PDE4B: variants seen among roughly 807,000 people sequenced by gnomAD.
The protein encoded by PDE4B is 3',5'-cyclic-AMP phosphodiesterase 4B.
PDE4B carries 20 observed loss-of-function variants against 82.2 expected under a neutral mutation model. That is an observed-to-expected ratio of 0.24 (90% confidence interval 0.17 to 0.35). PDE4B has a LOEUF of 0.35. Ranked by LOEUF, PDE4B falls within the 10% of genes least tolerant of loss-of-function variation. The pLI, the probability that PDE4B is intolerant of heterozygous loss-of-function variation, is 1.00. For missense variants in PDE4B, 655 were observed against 907.2 expected (o/e 0.72, Z 3.57); for synonymous variants, 320 against 318.9 (o/e 1.00, Z -0.04).
intron 1 of PDE4B, among the ~76,000 whole-genome samples, chr1:65,882,513 A>T (rs1044804839): frequency 6.6e-6 from 1 of 152,222 alleles, no homozygotes; most frequent in African/African-American, 2.4e-5. Flanking sequence ...TCAATGTCTA[A>T]TATGCAAATG....
At chr1:66,292,748 T>G (rs890864751) in intron 7 of PDE4B, among the ~76,000 whole-genome samples, 17 of 152,168 alleles carry the variant, frequency 1.1e-4, no homozygotes, top group African/African-American at 3.9e-4. Flanking sequence ...CCAAATTATT[T>G]ACATAATTAT....
At chr1:66,321,295 T>C (rs1181466743) in intron 7 of PDE4B, among the ~76,000 whole-genome samples, 1 of 152,214 alleles carries the variant, frequency 6.6e-6, no homozygotes, top group Admixed American at 6.5e-5. Context: ...TGAATTTTGG[T>C]CATCAACCAA....
chr1:66,078,182 A>G (rs1330311193), intron 3 of PDE4B, among the ~76,000 whole-genome samples: 1 of 151,256 alleles, frequency 6.6e-6, no homozygotes, highest in African/African-American at 2.4e-5. Flanking sequence ...TACCTTGCTT[A>G]AAGCCTCTTT....
At chr1:66,062,888 C>T (rs1463482125) in intron 3 of PDE4B, 1 of 152,046 alleles carries the variant, frequency 6.6e-6, no homozygotes, top group Admixed American at 6.6e-5. Context: ...TCACATCCTT[C>T]TTTAGTGCAG....
intron 3 of PDE4B, among the ~76,000 whole-genome samples, chr1:66,233,240 CTATT>C (rs1652130372): frequency 1.3e-5 from 2 of 152,102 alleles, no homozygotes; most frequent in Admixed American, 1.3e-4. Context: ...ATTATGTACT[CTATT>C]TATCAGACTT....
chr1:66,337,663 C>A (rs182503313), intron 8 of PDE4B, among the ~76,000 whole-genome samples: 4 of 152,306 alleles, frequency 2.6e-5, no homozygotes, highest in African/African-American at 9.6e-5. Context: ...GGAGGGATAT[C>A]TGTCAAGGTA....
chr1:65,991,269 C>T (rs979398264), intron 3 of PDE4B, among the ~76,000 whole-genome samples: 1 of 151,880 alleles, frequency 6.6e-6, no homozygotes, highest in East Asian at 1.9e-4. Context: ...TAAGGAGAGA[C>T]GAGGTTTCCC....
intron 1 of PDE4B, among the ~76,000 whole-genome samples, chr1:65,890,460 T>C (rs2100383206): frequency 6.6e-6 from 1 of 152,244 alleles, no homozygotes; most frequent in South Asian, 2.1e-4. Context: ...TGAGCTTTGC[T>C]TACTGTGGTA....
intron 3 of PDE4B, among the ~76,000 whole-genome samples, chr1:66,207,116 A>C (rs75404627): frequency 1.3e-5 from 2 of 152,208 alleles, no homozygotes; most frequent in Admixed American, 6.5e-5. Flanking sequence ...AATTTTTCAA[A>C]TTCTTGAATC....
chr1:65,874,638 G>A (rs972308291), intron 1 of PDE4B, among the ~76,000 whole-genome samples: 6 of 151,918 alleles, frequency 3.9e-5, no homozygotes, highest in Admixed American at 1.3e-4. Flanking sequence ...CAGAAATAAC[G>A]CCGCATACCT....
chr1:66,060,011 T>C (rs1270035808), intron 3 of PDE4B, among the ~76,000 whole-genome samples: 1 of 152,182 alleles, frequency 6.6e-6, no homozygotes, highest in Non-Finnish European at 1.5e-5. Flanking sequence ...AAAACAGTTT[T>C]TAAGTAAGTC....
intron 3 of PDE4B, among the ~76,000 whole-genome samples, chr1:66,214,817 G>C (rs1650325751): frequency 6.6e-6 from 1 of 152,008 alleles, no homozygotes; most frequent in South Asian, 2.1e-4. Context: ...GACAAATTCA[G>C]GATCCAAAAT....
At chr1:65,999,505 C>T (rs1410868311) in intron 3 of PDE4B, among the ~76,000 whole-genome samples, 2 of 152,162 alleles carry the variant, frequency 1.3e-5, no homozygotes, top group Non-Finnish European at 2.9e-5. Context: ...TGGATGTTAA[C>T]ACGGTTTCTC....
intron 16 of PDE4B, among the ~76,000 whole-genome samples, chr1:66,370,691 C>G (rs139780238): frequency 2.6e-5 from 4 of 152,250 alleles, no homozygotes; most frequent in Non-Finnish European, 2.9e-5. Flanking sequence ...TAGCAGCTAC[C>G]TTTCAAAAAC....
chr1:66,270,622 G>A (rs1210547071), intron 7 of PDE4B, among the ~76,000 whole-genome samples: 1 of 152,204 alleles, frequency 6.6e-6, no homozygotes, highest in East Asian at 1.9e-4. Context: ...GACTGGAAAT[G>A]AGGCCCAGCA....
chr1:66,367,626 C>A, intron 13 of PDE4B, 70 bp from the exon 14 acceptor site: 1 of 1,321,290 alleles, frequency 7.6e-7, no homozygotes, highest in Non-Finnish European at 1.1e-6. Context: ...TCTGATTTCA[C>A]TTTGAGATAA....
chr1:65,860,620 A>G (rs573420958), intron 1 of PDE4B, among the ~76,000 whole-genome samples: 1 of 152,340 alleles, frequency 6.6e-6, no homozygotes, highest in South Asian at 2.1e-4. Context: ...AGGAATTGCC[A>G]CACTGTCTTC....
chr1:66,091,890 A>G (rs892540121), intron 3 of PDE4B, among the ~76,000 whole-genome samples: 1 of 152,080 alleles, frequency 6.6e-6, no homozygotes, highest in Admixed American at 6.6e-5. Context: ...ACAAAGACAA[A>G]TTATACTGGG....
intron 6 of PDE4B, among the ~76,000 whole-genome samples, chr1:66,259,870 G>A (rs761421837): frequency 1.3e-5 from 2 of 152,008 alleles, no homozygotes; most frequent in Non-Finnish European, 2.9e-5. Flanking sequence ...GTAGAATATG[G>A]CCTCTGGCTT....
Sources: gnomAD v4.1 joint callset for allele counts (sites outside exome capture counted in the v4.1 genomes callset) on GRCh38, gnomAD v4.1.1 for gene constraint, MANE v1.5 for transcripts, NCBI Gene and HGNC (gene_info 2026-07-23, HGNC 2026-07-21) for gene names.